The following MYEF2 variants were observed in gnomAD, a reference collection of about 807,000 sequenced individuals.
MYEF2 encodes the protein myelin gene expression factor 2.
MYEF2 carries 37 observed loss-of-function variants against 75.2 expected under a neutral mutation model. The ratio of observed to expected loss-of-function variants is 0.49; its 90% CI spans 0.38 to 0.65. MYEF2 has a LOEUF of 0.65. Ranked by LOEUF, MYEF2 falls within the 30% of genes least tolerant of loss-of-function variation. The pLI, the probability that MYEF2 is intolerant of heterozygous loss-of-function variation, is 0.00. For missense variants in MYEF2, 634 were observed against 771.4 expected (o/e 0.82, Z 2.11); for synonymous variants, 195 against 241.6 (o/e 0.81, Z 1.79).
At chr15:48,175,025 A>C (rs1230117434) in intron 1 of MYEF2, among the ~76,000 whole-genome samples, 2 of 152,180 alleles carry the variant, frequency 1.3e-5, no homozygotes, top group African/African-American at 4.8e-5. Context: ...CAAGATATGG[A>C]AACAACGACT....
rs998396719 is a variant in MYEF2 at position 48,138,209 on chromosome 15, T to G, written c.*4699A>C. On this transcript the variant is annotated 3_prime_UTR_variant, in exon 17 of 17. Transcript: ENST00000324324. ...TTTTTATGAGTTGTTGTACTAACAT[T>G]AGTTTTAACATGATTTCATCCAATT... 6.6e-6 allele frequency: 1 copy of G among 152,078 alleles called. No individual in the cohort carries two copies. The highest frequency in any genetic ancestry group is 1.5e-5 in the Non-Finnish European group (1 of 67,942). The allele number at this position is 152,078 out of a possible 1,614,324, so 9.4% of individuals were successfully genotyped here.
chr15:48,166,175 T>C (rs2040126784), intron 3 of MYEF2, 47 bp from the exon 4 acceptor site: 1 of 1,456,142 alleles, frequency 6.9e-7, no homozygotes, highest in Non-Finnish European at 9.5e-7. Flanking sequence ...AAAAAAGTTT[T>C]AGATCAGTAC....
intron 11 of MYEF2, 134 bp downstream of exon 11, chr15:48,152,100 A>C: frequency 8.5e-7 from 1 of 1,172,774 alleles, no homozygotes; most frequent in Non-Finnish European, 1.3e-6. Context: ...TACCAGGCTC[A>C]ATTTCTGCTA....
intron 9 of MYEF2, among the ~76,000 whole-genome samples, chr15:48,154,320 T>C (rs1246966206): frequency 6.6e-6 from 1 of 152,142 alleles, no homozygotes; most frequent in Non-Finnish European, 1.5e-5. Flanking sequence ...TCAATAACCA[T>C]GAAAGTATAA....
At chr15:48,170,938 G>C (rs1400383083) in intron 1 of MYEF2, among the ~76,000 whole-genome samples, 1 of 152,100 alleles carries the variant, frequency 6.6e-6, no homozygotes, top group Non-Finnish European at 1.5e-5. Flanking sequence ...GAGACATTTG[G>C]ACCAAACTTG....
At chr15:48,154,129 C>T (rs1174092149) in intron 9 of MYEF2, 5 of 354,344 alleles carry the variant, frequency 1.4e-5, no homozygotes, top group East Asian at 4.7e-5. Context: ...ATACAAAGTA[C>T]ACCTTATACC....
At chr15:48,158,600 A>C (rs578246035) in intron 7 of MYEF2, among the ~76,000 whole-genome samples, 169 bp downstream of exon 7, 2 of 152,290 alleles carry the variant, frequency 1.3e-5, no homozygotes, top group African/African-American at 4.8e-5. Context: ...TCAAGTTTTA[A>C]GAGTGACTTT....
Position 48,142,468 on chromosome 15 carries a change from A to T in MYEF2, c.*440T>A, listed in dbSNP as rs1173525793. 1 of 829,142 alleles carries T rather than the reference A, an allele frequency of 1.2e-6. No individual in the cohort carries two copies. Among genetic ancestry groups the T allele is most frequent in the Non-Finnish European group, 1.7e-6 (1 of 579,020 alleles). The allele number at this position is 829,142 out of a possible 1,614,324, so 51.4% of individuals were successfully genotyped here. A position where few individuals can be genotyped will look rare whatever the true frequency, so the allele number is the denominator to read the frequency against. ...TTGAACCTTAGAATCTAAAACTTACAGTAATTTAAAACCAACCAAAATCAC... is the reference window on the plus strand; with the variant it reads ...TTGAACCTTAGAATCTAAAACTTACTGTAATTTAAAACCAACCAAAATCAC... On this transcript the variant is annotated 3_prime_UTR_variant, in exon 17 of 17. Transcript: ENST00000324324.
At position 48,135,124 on chromosome 15, in the gene MYEF2, C is replaced by A; in HGVS notation, c.*7784G>T. ...ATATTCCAACAGGTCTGTGAGTTAACCTCATCACAATTGCTGATTGAGTTC... is the reference window on the plus strand; with the variant it reads ...ATATTCCAACAGGTCTGTGAGTTAAACTCATCACAATTGCTGATTGAGTTC... On this transcript the variant is annotated 3_prime_UTR_variant, in exon 17 of 17. Coordinates refer to ENST00000324324, the MANE Select transcript of MYEF2 (RefSeq NM_016132.5). The A allele has an allele frequency of 1.7e-6, 1 of 592,028 alleles. No individual in the cohort carries two copies. 36.7% of individuals were successfully genotyped at this position (592,028 alleles called of 1,614,324 possible).
chr15:48,141,167 G>T lies in MYEF2; in HGVS notation c.*1741C>A. On this transcript the variant is annotated 3_prime_UTR_variant, in exon 17 of 17. Transcript: ENST00000324324. ...ATGGGCCTTACTTTATTAGCAGCAG[G>T]AACAAGCATACCAGACACAATTGCA... 6.2e-7 allele frequency: 1 copy of T among 1,613,898 alleles called. No homozygotes were observed. The highest frequency in any genetic ancestry group is 1.1e-5 in the South Asian group (1 of 91,068).
At chr15:48,161,054 C>T (rs577463521) in intron 5 of MYEF2, among the ~76,000 whole-genome samples, 3 of 152,078 alleles carry the variant, frequency 2.0e-5, no homozygotes, top group Non-Finnish European at 4.4e-5. Context: ...TAAGCTATTT[C>T]GGTTGTTTGT....
rs1308165049 is a variant in MYEF2, at chr15:48,149,931, G to C, written c.1379-560C>G. 1.3e-5 allele frequency: 2 copies of C among 151,996 alleles called. No individual in the cohort carries two copies. Among genetic ancestry groups the C allele is most frequent in the Non-Finnish European group, 2.9e-5 (2 of 68,146 alleles). The allele number at this position is 151,996 out of a possible 1,614,324, so 9.4% of individuals were successfully genotyped here. A position where few individuals can be genotyped will look rare whatever the true frequency, so the allele number is the denominator to read the frequency against. ...CTGTTTCCCAGTTTTTATTCTCATG[G>C]TAATTCAATACTCATAGCAAAACAT... On this transcript the variant is annotated intron_variant, in intron 14 of 16. Transcript: ENST00000324324. This position sits in a 1 kb window ranked among gnomAD's most constrained non-coding sequence, Gnocchi z 4.0.
At chr15:48,169,599 ATTT>A (rs11341438) in intron 1 of MYEF2, among the ~76,000 whole-genome samples, 8 of 137,278 alleles carry the variant, frequency 5.8e-5, no homozygotes, top group African/African-American at 2.6e-5. Context: ...TATAAACCTG[ATTT>A]TTTTTTTTTT....
In MYEF2 at chr15:48,173,250, G is replaced by A. The variant is rs147985481; in HGVS notation, c.162-4411C>T. On this transcript the variant is annotated intron_variant, in intron 1 of 16. Coordinates refer to ENST00000324324, the MANE Select transcript of MYEF2 (RefSeq NM_016132.5). ...AATGAAGGATTTTTTAAAAATCAAG[G>A]ATCATCTCAATAGATCCAGAAAAAG... 1.2e-3 allele frequency among the ~76,000 whole-genome samples: 189 copies of A among 152,146 alleles called. 7 individuals are homozygous for A. The South Asian group carries it at 0.038, about 31-fold the overall frequency.
intron 5 of MYEF2, among the ~76,000 whole-genome samples, chr15:48,164,414 G>T (rs1370869474): frequency 6.6e-6 from 1 of 151,700 alleles, no homozygotes; most frequent in African/African-American, 2.4e-5. Flanking sequence ...TCTTGTATGA[G>T]CAAAGAAAGT....
intron 9 of MYEF2, among the ~76,000 whole-genome samples, chr15:48,155,675 T>G (rs1301422580): frequency 7.1e-6 from 1 of 140,256 alleles, no homozygotes; most frequent in African/African-American, 2.7e-5. Context: ...CACATTAAAA[T>G]GAAAAAGTAC....
At chr15:48,163,188 A>G (rs1276696152) in intron 5 of MYEF2, among the ~76,000 whole-genome samples, 1 of 152,156 alleles carries the variant, frequency 6.6e-6, no homozygotes, top group Non-Finnish European at 1.5e-5. Context: ...AATTTAAGAT[A>G]CCGGTTACCT....
chr15:48,142,290 T>A lies in MYEF2; in HGVS notation c.*618A>T. 1 of 1,613,466 alleles carries A rather than the reference T, an allele frequency of 6.2e-7. No individual in the cohort carries two copies. Among genetic ancestry groups the A allele is most frequent in the Non-Finnish European group, 8.5e-7 (1 of 1,179,576 alleles). On this transcript the variant is annotated 3_prime_UTR_variant, in exon 17 of 17. Transcript: ENST00000324324. ...TTATCATACTTGGGGCTTGCTACAT[T>A]ATCAGTTCTATATGAACTTGGAATT...
In MYEF2 at chr15:48,137,144, C is replaced by T; in HGVS notation, c.*5764G>A. The T allele has an allele frequency of 3.3e-6, 2 of 606,762 alleles. No homozygotes were observed. The highest frequency in any genetic ancestry group is 2.7e-6 in the Non-Finnish European group (1 of 366,736). The allele number at this position is 606,762 out of a possible 1,614,324, so 37.6% of individuals were successfully genotyped here. A position where few individuals can be genotyped will look rare whatever the true frequency, so the allele number is the denominator to read the frequency against. ...CAATATCACAGGAAATACAAAATAG[C>T]TAAAGTATGAACGTTAAGTACCATA... On this transcript the variant is annotated 3_prime_UTR_variant, in exon 17 of 17. Transcript: ENST00000324324.
Sources: gnomAD v4.1 joint callset for allele counts (sites outside exome capture counted in the v4.1 genomes callset) on GRCh38, gnomAD v4.1.1 for gene constraint, Gnocchi (gnomAD v3.1) non-coding constraint, MANE v1.5 for transcripts, NCBI Gene and HGNC (gene_info 2026-07-23, HGNC 2026-07-21) for gene names.